SPAG16: variants seen among roughly 807,000 people sequenced by gnomAD.
SPAG16 encodes sperm associated antigen 16.
A neutral mutation model predicts 80.4 loss-of-function variants in SPAG16; 86 were observed. The observed-to-expected ratio is 1.07, with a 90% CI of 0.90 to 1.28. SPAG16 has a LOEUF of 1.28. Ranked by LOEUF, SPAG16 falls within the 50% of genes most tolerant of loss-of-function variation. The probability of loss-of-function intolerance (pLI) is 0.00; values close to 1 mark genes in which losing one functional copy is unlikely to be tolerated. For synonymous variants in SPAG16, 294 were observed against 265.9 expected (o/e 1.11, Z -1.03); for missense variants, 870 against 765.3 (o/e 1.14, Z -1.61).
intron 13 of SPAG16, among the ~76,000 whole-genome samples, chr2:214,056,605 ATGT>A (rs957229219): frequency 6.6e-6 from 1 of 151,974 alleles, no homozygotes; most frequent in Admixed American, 6.6e-5. Context: ...TCTTGCCTTG[ATGT>A]TGATGACTGC....
chr2:213,894,020 T>C (rs1438906058), intron 11 of SPAG16, among the ~76,000 whole-genome samples: 2 of 152,042 alleles, frequency 1.3e-5, no homozygotes, highest in South Asian at 2.1e-4. Context: ...TGAAGACATA[T>C]ATAGCCTGAA....
At chr2:214,310,260 TC>T (rs1695201528) in intron 15 of SPAG16, among the ~76,000 whole-genome samples, 1 of 152,076 alleles carries the variant, frequency 6.6e-6, no homozygotes, top group Non-Finnish European at 1.5e-5. Context: ...TTTTGTATGA[TC>T]ATTTGGCTTC....
chr2:213,995,020 A>G (rs1164348412), intron 12 of SPAG16, among the ~76,000 whole-genome samples: 8 of 152,214 alleles, frequency 5.3e-5, no homozygotes, highest in African/African-American at 1.9e-4. Context: ...TTTGAAGGTA[A>G]ATATTAAAAA....
At chr2:213,881,578 A>C (rs2076346000) in intron 11 of SPAG16, among the ~76,000 whole-genome samples, 1 of 152,204 alleles carries the variant, frequency 6.6e-6, no homozygotes, top group African/African-American at 2.4e-5. Flanking sequence ...CAATCGTGGC[A>C]GAAGGTGAAG....
At chr2:213,613,846 A>G (rs2061513575) in intron 10 of SPAG16, among the ~76,000 whole-genome samples, 1 of 152,224 alleles carries the variant, frequency 6.6e-6, no homozygotes, top group Admixed American at 6.5e-5. Context: ...ATAGGAATAA[A>G]AAATTTGGAA....
At chr2:213,567,165 CTTTTT>C (rs531916197) in intron 10 of SPAG16, among the ~76,000 whole-genome samples, 18 of 94,906 alleles carry the variant, frequency 1.9e-4, no homozygotes, top group Non-Finnish European at 2.1e-4. Context: ...AACACAGATT[CTTTTT>C]TTTTTTTTTT....
At chr2:214,369,495 T>C (rs1271733596) in intron 15 of SPAG16, among the ~76,000 whole-genome samples, 3 of 152,084 alleles carry the variant, frequency 2.0e-5, no homozygotes, top group Non-Finnish European at 4.4e-5. Flanking sequence ...TCTACCTCCT[T>C]CTCCACTTAA....
intron 9 of SPAG16, among the ~76,000 whole-genome samples, chr2:213,413,440 TA>T (rs1278742227): frequency 6.6e-6 from 1 of 152,168 alleles, no homozygotes; most frequent in East Asian, 1.9e-4. Context: ...ACAAATTAAT[TA>T]AAATTGTTGA....
intron 10 of SPAG16, among the ~76,000 whole-genome samples, chr2:213,604,191 C>T (rs1442328098): frequency 6.6e-6 from 1 of 152,186 alleles, no homozygotes; most frequent in African/African-American, 2.4e-5. Flanking sequence ...CGTGCCCTGC[C>T]TGACTTCCTG....
chr2:213,817,503 C>G (rs1196885290), intron 10 of SPAG16, among the ~76,000 whole-genome samples: 2 of 151,844 alleles, frequency 1.3e-5, no homozygotes, highest in Non-Finnish European at 1.5e-5. Context: ...GGAAAATAAA[C>G]TGTTCTACCC....
chr2:213,740,117 A>C (rs1320520599), intron 10 of SPAG16, among the ~76,000 whole-genome samples: 1 of 152,184 alleles, frequency 6.6e-6, no homozygotes, highest in Non-Finnish European at 1.5e-5. Context: ...TACATTACAC[A>C]TTACATATAT....
intron 10 of SPAG16, among the ~76,000 whole-genome samples, chr2:213,510,386 CA>C (rs750903582): frequency 7.9e-5 from 12 of 151,954 alleles, no homozygotes; most frequent in East Asian, 3.9e-4. Flanking sequence ...AACTATTTAA[CA>C]TTTTTTTTAT....
chr2:213,998,336 C>T (rs1437254622), intron 12 of SPAG16, among the ~76,000 whole-genome samples: 3 of 152,022 alleles, frequency 2.0e-5, no homozygotes, highest in Non-Finnish European at 4.4e-5. Flanking sequence ...GGGGTGGTTT[C>T]CCCCATACTG....
intron 9 of SPAG16, among the ~76,000 whole-genome samples, chr2:213,441,435 A>G (rs1401286491): frequency 2.6e-5 from 4 of 152,248 alleles, no homozygotes; most frequent in African/African-American, 9.6e-5. Flanking sequence ...AAAATGGAAA[A>G]CAAAATCTAT....
At position 214,299,676 on chromosome 2, in the gene SPAG16, G is replaced by C. The variant is rs563231124; in HGVS notation, c.1721-110464G>C. Among the ~76,000 whole-genome samples, 14 of 152,238 alleles carry C rather than the reference G, an allele frequency of 9.2e-5. 1 individual carries two copies. The highest frequency in any genetic ancestry group is 3.4e-4 in the African/African-American group (14 of 41,548). ...GGCCTGATTATTTGCATAAAATACA[G>C]CAAAAATGGTGATTGGCCATATAGG... On this transcript the variant is annotated intron_variant, in intron 15 of 15. Coordinates refer to ENST00000331683, the MANE Select transcript of SPAG16 (RefSeq NM_024532.5).
chr2:214,286,451 A>G (rs1348046746), intron 15 of SPAG16, among the ~76,000 whole-genome samples: 3 of 144,656 alleles, frequency 2.1e-5, no homozygotes, highest in Non-Finnish European at 4.5e-5. Context: ...AATAGTGTAT[A>G]AAAAAATAAC....
chr2:214,135,633 A>T (rs1377711890), intron 14 of SPAG16, among the ~76,000 whole-genome samples: 1 of 151,942 alleles, frequency 6.6e-6, no homozygotes, highest in African/African-American at 2.4e-5. Context: ...GAGGGAGGGG[A>T]TGAGTGAGTT....
At chr2:213,933,717 A>G (rs1448311857) in intron 12 of SPAG16, among the ~76,000 whole-genome samples, 3 of 152,222 alleles carry the variant, frequency 2.0e-5, no homozygotes, top group Non-Finnish European at 4.4e-5. Flanking sequence ...GTTGGGAGAT[A>G]AATCTGTGGC....
At chr2:214,201,155 G>T (rs887484114) in intron 15 of SPAG16, among the ~76,000 whole-genome samples, 2 of 152,140 alleles carry the variant, frequency 1.3e-5, no homozygotes, top group African/African-American at 2.4e-5. Flanking sequence ...AGCCAAATTT[G>T]TCTACAGGGC....
Sources: gnomAD v4.1 joint callset for allele counts (sites outside exome capture counted in the v4.1 genomes callset) on GRCh38, gnomAD v4.1.1 for gene constraint, MANE v1.5 for transcripts, NCBI Gene and HGNC (gene_info 2026-07-23, HGNC 2026-07-21) for gene names.